Variants in ETV1 observed in about 807,000 individuals in gnomAD.
ETV1 encodes the protein ETS variant transcription factor 1.
A neutral mutation model predicts 62.3 loss-of-function variants in ETV1; 27 were observed. The observed-to-expected ratio is 0.43, with a 90% CI of 0.32 to 0.60. The LOEUF (loss-of-function observed/expected upper bound fraction) is 0.60. Among genes scored for constraint, ETV1 ranks in the 20% least tolerant of loss-of-function variants. ETV1 has a pLI of 0.06. For synonymous variants in ETV1, 222 were observed against 199.6 expected, an observed-to-expected ratio of 1.11 and a Z score of -0.94; for missense variants, 605 against 605.8, an observed-to-expected ratio of 1.00 and a Z score of 0.01.
chr7:13,952,769 CAAAGTT>C, intron 6 of ETV1, among the ~76,000 whole-genome samples: 1 of 152,208 alleles, frequency 6.6e-6, no homozygotes, highest in South Asian at 2.1e-4. Context: ...AACTGAAAGA[CAAAGTT>C]AGATTCCTAA....
rs373208843 is a variant in ETV1, at chr7:13,986,243, T to C, written c.181+395A>G. 8 of 1,546,376 alleles carry C rather than the reference T, an allele frequency of 5.2e-6. No homozygotes were observed. The East Asian group carries it at 7.2e-5, about 14-fold the overall frequency. On this transcript the variant is annotated intron_variant, in intron 5 of 13. Coordinates refer to ENST00000430479, the MANE Select transcript of ETV1 (RefSeq NM_004956.5). ...AAAAGTCCTCCACCAGAACACCAAATAATGATATGCGCTGCTCTAAAGGAA... is the reference window on the plus strand; with the variant it reads ...AAAAGTCCTCCACCAGAACACCAAACAATGATATGCGCTGCTCTAAAGGAA...
At chr7:13,924,700 AAGAATT>A (rs1277948949) in intron 9 of ETV1, among the ~76,000 whole-genome samples, 1 of 152,206 alleles carries the variant, frequency 6.6e-6, no homozygotes, top group East Asian at 1.9e-4. Context: ...TCACTAAACT[AAGAATT>A]AGAAAATCCT....
At chr7:13,928,343 G>A (rs1156802552) in intron 9 of ETV1, among the ~76,000 whole-genome samples, 4 of 152,218 alleles carry the variant, frequency 2.6e-5, no homozygotes, top group East Asian at 1.9e-4. Context: ...CAGGCTGGGC[G>A]TGGTGGCTCA....
intron 4 of ETV1, among the ~76,000 whole-genome samples, chr7:13,987,628 T>C (rs1782663599): frequency 6.6e-6 from 1 of 152,108 alleles, no homozygotes; most frequent in Non-Finnish European, 1.5e-5. Flanking sequence ...CCCTTGAAAA[T>C]TCTGTTAATA....
rs150374208 is a variant in ETV1, at chr7:13,975,910, T to A, written c.235+1517A>T. Among the ~76,000 whole-genome samples the A allele has an allele frequency of 4.2e-3, 635 of 152,342 alleles. 4 individuals are homozygous for A. The highest frequency in any genetic ancestry group is 0.014 in the African/African-American group (598 of 41,586). On this transcript the variant is annotated intron_variant, in intron 6 of 13. Transcript: ENST00000430479. Reference sequence around the variant, plus strand: ...GGATGTAAAATATCAACGAGATTAATTCTTTTACTCAGACGACGTGTTTAG... The same window carrying A: ...GGATGTAAAATATCAACGAGATTAAATCTTTTACTCAGACGACGTGTTTAG...
intron 6 of ETV1, among the ~76,000 whole-genome samples, chr7:13,968,040 T>C (rs1015271): frequency 0.6 from 90,771 of 151,806 alleles, 27,567 homozygotes; most frequent in Admixed American, 0.68. Flanking sequence ...ATAAATATTG[T>C]TTGGCTTATA....
chr7:13,987,688 C>G (rs1782670492), intron 4 of ETV1, among the ~76,000 whole-genome samples: 1 of 152,086 alleles, frequency 6.6e-6, no homozygotes, highest in South Asian at 2.1e-4. Context: ...ATCACTAATA[C>G]TGTTTAACTT....
At chr7:13,980,775 A>C (rs931023689) in intron 5 of ETV1, among the ~76,000 whole-genome samples, 1 of 152,058 alleles carries the variant, frequency 6.6e-6, no homozygotes, top group African/African-American at 2.4e-5. Flanking sequence ...TTATTATCCA[A>C]AGTTGTTTTA....
intron 9 of ETV1, among the ~76,000 whole-genome samples, chr7:13,919,603 A>ACAC (rs1562615261): frequency 7.2e-6 from 1 of 139,410 alleles, no homozygotes; most frequent in African/African-American, 2.8e-5. Context: ...CACACACACA[A>ACAC]AATAAGAACA....
chr7:13,891,942 C>G lies in ETV1; in HGVS notation c.*3924G>C, dbSNP rs1288456184. ...ATGACCTTCTCCTCTGTAATGTTTTCTCATTACAAGCTCTGAAAAGGCTGC... is the reference window on the plus strand; with the variant it reads ...ATGACCTTCTCCTCTGTAATGTTTTGTCATTACAAGCTCTGAAAAGGCTGC... On this transcript the variant is annotated 3_prime_UTR_variant, in exon 14 of 14. Coordinates refer to ENST00000430479, the MANE Select transcript of ETV1 (RefSeq NM_004956.5). 1 of 231,674 alleles carries G rather than the reference C, an allele frequency of 4.3e-6. No homozygotes were observed. The highest frequency in any genetic ancestry group is 8.5e-6 in the Non-Finnish European group (1 of 117,216). 14.4% of individuals were successfully genotyped at this position (231,674 alleles called of 1,614,324 possible). A position where few individuals can be genotyped will look rare whatever the true frequency, so the allele number is the denominator to read the frequency against.
chr7:13,927,444 T>G (rs1785559094), intron 9 of ETV1, among the ~76,000 whole-genome samples: 1 of 152,168 alleles, frequency 6.6e-6, no homozygotes, highest in Admixed American at 6.5e-5. Flanking sequence ...AGGATGAAAC[T>G]ACATCTCAAA....
In ETV1 at chr7:13,923,554, A is replaced by AT. The variant is rs563129647; in HGVS notation, c.802+7947dup. On this transcript the variant is annotated intron_variant, in intron 9 of 13. Coordinates refer to ENST00000430479, the MANE Select transcript of ETV1 (RefSeq NM_004956.5). ...TTAACGTATTTAACATAAGGTAAAT[A>AT]TTTTTTCAGTATTTATTTCATCATT... Among the ~76,000 whole-genome samples the AT allele has an allele frequency of 5.9e-5, 9 of 152,202 alleles. No individual in the cohort carries two copies. In the South Asian group the frequency reaches 1.9e-3, roughly 31 times the overall value.
intron 6 of ETV1, among the ~76,000 whole-genome samples, chr7:13,976,163 C>T (rs1781431877): frequency 6.6e-6 from 1 of 152,078 alleles, no homozygotes; most frequent in Non-Finnish European, 1.5e-5. Context: ...CAGTTTTCTT[C>T]TCGGATCAAA....
At chr7:13,940,139 G>A (rs1046109661) in intron 6 of ETV1, among the ~76,000 whole-genome samples, 12 of 152,180 alleles carry the variant, frequency 7.9e-5, no homozygotes, top group African/African-American at 2.9e-4. Context: ...GAGGCAAGTG[G>A]ATCACCTGAG....
intron 9 of ETV1, among the ~76,000 whole-genome samples, chr7:13,914,623 A>G (rs1460585229): frequency 6.6e-6 from 1 of 151,962 alleles, no homozygotes; most frequent in Non-Finnish European, 1.5e-5. Flanking sequence ...GAAACTAAAA[A>G]AAAAAAAAAA....
intron 6 of ETV1, among the ~76,000 whole-genome samples, chr7:13,957,085 T>TA (rs1317555797): frequency 3.9e-5 from 6 of 151,942 alleles, no homozygotes; most frequent in East Asian, 1.9e-4. Context: ...TTTATTTATT[T>TA]TTTATTTTTA....
intron 9 of ETV1, among the ~76,000 whole-genome samples, chr7:13,930,879 C>T (rs1326862632): frequency 6.6e-6 from 1 of 151,920 alleles, no homozygotes; most frequent in Non-Finnish European, 1.5e-5. Flanking sequence ...CGGCTCACTG[C>T]AACCTCTGCC....
intron 4 of ETV1, chr7:13,986,902 A>G (rs1782599223): frequency 8.3e-6 from 4 of 483,518 alleles, no homozygotes; most frequent in Admixed American, 8.1e-5. Context: ...ATTTTAGTCA[A>G]CTAAAGAATA....
At chr7:13,986,583 T>C (rs561209320) in intron 5 of ETV1, 55 bp downstream of exon 5, 2 of 1,606,338 alleles carry the variant, frequency 1.2e-6, no homozygotes, top group South Asian at 2.2e-5. Context: ...CAGGACTTCT[T>C]TTCTTTCTCC....
Sources: allele counts gnomAD v4.1 joint callset (sites outside exome capture counted in the v4.1 genomes callset), GRCh38; gene constraint gnomAD v4.1.1; transcripts MANE v1.5; gene names NCBI Gene and HGNC (gene_info 2026-07-23, HGNC 2026-07-21).